Variants in NBEA observed in about 807,000 individuals in gnomAD.
NBEA encodes the protein lysosomal-trafficking regulator 2.
In NBEA, 44 loss-of-function variants were observed where a neutral mutation model predicts 343.4. The observed-to-expected ratio is 0.13, with a 90% CI of 0.10 to 0.16. The LOEUF (loss-of-function observed/expected upper bound fraction) is 0.16. NBEA is among the 10% of genes least tolerant of loss of function. NBEA has a pLI of 1.00. For missense variants in NBEA, 2,555 were observed against 3,631.3 expected (o/e 0.70, Z 7.62); for synonymous variants, 1,175 against 1,238.7 (o/e 0.95, Z 1.08).
intron 49 of NBEA, among the ~76,000 whole-genome samples, chr13:35,645,069 A>G (rs2084160138): frequency 6.6e-6 from 1 of 152,328 alleles, no homozygotes; most frequent in Admixed American, 6.5e-5. Flanking sequence ...ATTGATAAAC[A>G]TTTTCTTGAA....
intron 38 of NBEA, among the ~76,000 whole-genome samples, chr13:35,375,651 A>G (rs1294531826): frequency 6.6e-6 from 1 of 152,164 alleles, no homozygotes; most frequent in Non-Finnish European, 1.5e-5. Flanking sequence ...TAGTTTTGCA[A>G]AAATCCAGCA....
chr13:35,445,186 AAGCC>A (rs2045932382), intron 39 of NBEA, among the ~76,000 whole-genome samples: 2 of 152,158 alleles, frequency 1.3e-5, no homozygotes, highest in Non-Finnish European at 2.9e-5. Context: ...ATCCTCAGAT[AAGCC>A]AGCTTTTTTT....
chr13:34,980,451 CATTT>C (rs10569517), intron 1 of NBEA, among the ~76,000 whole-genome samples: 135,885 of 147,516 alleles, frequency 0.92, 62,636 homozygotes, highest in East Asian at 0.99. Flanking sequence ...ATTTTTATTA[CATTT>C]ATTTATTTAT....
intron 1 of NBEA, among the ~76,000 whole-genome samples, chr13:34,988,811 TATTA>T (rs897498537): frequency 6.6e-6 from 1 of 151,326 alleles, no homozygotes; most frequent in South Asian, 2.1e-4. Flanking sequence ...GTTCTTTTAC[TATTA>T]ATTTCTGAAT....
chr13:35,006,477 C>G (rs1390280461), intron 1 of NBEA, among the ~76,000 whole-genome samples: 2 of 151,974 alleles, frequency 1.3e-5, no homozygotes, highest in African/African-American at 4.8e-5. Flanking sequence ...TAAAGCTCTT[C>G]TGGACATCAT....
At chr13:35,298,707 C>T (rs543277800) in intron 35 of NBEA, among the ~76,000 whole-genome samples, 1 of 152,022 alleles carries the variant, frequency 6.6e-6, no homozygotes, top group African/African-American at 2.4e-5. Context: ...ATTTAGTGAT[C>T]ACCTAAAGTC....
intron 1 of NBEA, among the ~76,000 whole-genome samples, chr13:34,963,778 T>C (rs1278962431): frequency 6.6e-6 from 1 of 151,806 alleles, no homozygotes; most frequent in Non-Finnish European, 1.5e-5. Flanking sequence ...TTCAGTAGTA[T>C]CAGCGGAAAA....
At chr13:35,261,163 A>G (rs1391400837) in intron 34 of NBEA, among the ~76,000 whole-genome samples, 1 of 152,198 alleles carries the variant, frequency 6.6e-6, no homozygotes, top group Admixed American at 6.5e-5. Context: ...AATGACAGGG[A>G]TAAGGGGTTT....
chr13:35,294,746 A>G (rs922174145), intron 35 of NBEA, among the ~76,000 whole-genome samples: 3 of 152,170 alleles, frequency 2.0e-5, no homozygotes, highest in African/African-American at 7.2e-5. Flanking sequence ...CTGAATATAA[A>G]TGAGCAGTTA....
intron 35 of NBEA, among the ~76,000 whole-genome samples, chr13:35,291,460 T>G (rs1413095659): frequency 6.6e-6 from 1 of 151,938 alleles, no homozygotes; most frequent in Non-Finnish European, 1.5e-5. Context: ...TAGGCCCATT[T>G]TCCTCTTTAT....
chr13:35,340,270 A>G (rs368125896), intron 36 of NBEA, among the ~76,000 whole-genome samples: 65 of 152,218 alleles, frequency 4.3e-4, no homozygotes, highest in African/African-American at 1.5e-3. Context: ...CTCTTTATAC[A>G]TACAATGGGA....
At chr13:35,279,502 C>CT (rs1411515279) in intron 34 of NBEA, among the ~76,000 whole-genome samples, 1 of 152,038 alleles carries the variant, frequency 6.6e-6, no homozygotes, top group Non-Finnish European at 1.5e-5. Context: ...AGGATAAACC[C>CT]TAACATTAAA....
chr13:35,657,135 G>A (rs2084848563), intron 55 of NBEA, among the ~76,000 whole-genome samples: 1 of 152,220 alleles, frequency 6.6e-6, no homozygotes, highest in African/African-American at 2.4e-5. Flanking sequence ...AGAGAATGGA[G>A]AAATACATTT....
chr13:34,968,773 T>C (rs921490403), intron 1 of NBEA, among the ~76,000 whole-genome samples: 2 of 152,180 alleles, frequency 1.3e-5, no homozygotes, highest in African/African-American at 4.8e-5. Context: ...ATTTTTAAAA[T>C]TTATTTTCAG....
At chr13:35,040,282 G>T (rs1264231151) in intron 1 of NBEA, among the ~76,000 whole-genome samples, 1 of 151,350 alleles carries the variant, frequency 6.6e-6, no homozygotes, top group African/African-American at 2.4e-5. Context: ...CAAATGGGAG[G>T]GGCAGTATGA....
rs1028709481 is a variant in NBEA at position 35,023,023 on chromosome 13, G to T, written c.295-17910G>T. Among the ~76,000 whole-genome samples, 3 of 151,960 alleles carry T rather than the reference G, an allele frequency of 2.0e-5. No homozygotes were observed. In the East Asian group the frequency reaches 5.8e-4, roughly 29 times the overall value. ...CCTACTTTGAAAAATAATTTGAATT[G>T]GCTTACAGTGAAAGATAGCAGTATA... On this transcript the variant is annotated intron_variant, in intron 1 of 58. Coordinates refer to ENST00000379939, the MANE Select transcript of NBEA (RefSeq NM_001385012.1).
At chr13:34,979,406 G>C (rs766469731) in intron 1 of NBEA, among the ~76,000 whole-genome samples, 1 of 152,128 alleles carries the variant, frequency 6.6e-6, no homozygotes, top group Non-Finnish European at 1.5e-5. Context: ...TGTAATCCCA[G>C]TTGCTTGGGA....
chr13:35,128,011 A>G (rs2067216931), intron 17 of NBEA, among the ~76,000 whole-genome samples: 2 of 149,488 alleles, frequency 1.3e-5, no homozygotes, highest in Non-Finnish European at 3.0e-5. Flanking sequence ...ATACCCAAAA[A>G]CCAAAGTGGT....
Position 35,098,283 on chromosome 13 carries a change from T to C in NBEA, c.1572-14T>C. ...TGTGATGATTACATAATGATGTCTG[T>C]ACTTTACATGCAGTGCTACTCTGTT... On this transcript the variant is annotated splice_polypyrimidine_tract_variant and intron_variant, in intron 10 of 58. Coordinates refer to ENST00000379939, the MANE Select transcript of NBEA (RefSeq NM_001385012.1). 1 of 1,525,412 alleles carries C rather than the reference T, an allele frequency of 6.6e-7. No homozygotes were observed. Among genetic ancestry groups the C allele is most frequent in the Non-Finnish European group, 8.9e-7 (1 of 1,117,998 alleles). The allele number at this position is 1,525,412 out of a possible 1,614,324, so 94.5% of individuals were successfully genotyped here. A position where few individuals can be genotyped will look rare whatever the true frequency, so the allele number is the denominator to read the frequency against.
Sources: allele counts gnomAD v4.1 joint callset (sites outside exome capture counted in the v4.1 genomes callset), GRCh38; gene constraint gnomAD v4.1.1; transcripts MANE v1.5; gene names NCBI Gene and HGNC (gene_info 2026-07-23, HGNC 2026-07-21).